GALNT13: variants seen among roughly 807,000 people sequenced by gnomAD.
The protein encoded by GALNT13 is UDP-GalNAc:polypeptide N-acetylgalactosaminyltransferase 13.
A neutral mutation model predicts 64.2 loss-of-function variants in GALNT13; 28 were observed. That is an observed-to-expected ratio of 0.44 (90% CI 0.32 to 0.60). The LOEUF is 0.60. GALNT13 is among the 20% of genes least tolerant of loss of function. GALNT13 has a pLI of 0.05. For synonymous variants in GALNT13, 214 were observed against 224.6 expected, an observed-to-expected ratio of 0.95 and a Z score of 0.42; for missense variants, 577 against 669.8, an observed-to-expected ratio of 0.86 and a Z score of 1.53.
the GALNT13 span, among the ~76,000 whole-genome samples, chr2:153,101,531 A>G: frequency 3.9e-5 from 6 of 152,162 alleles, no homozygotes; most frequent in Non-Finnish European, 8.8e-5. Context: ...ATTTGCCATT[A>G]TCTGAAATGT....
chr2:153,313,672 C>A, the GALNT13 span, among the ~76,000 whole-genome samples: 1 of 152,048 alleles, frequency 6.6e-6, no homozygotes, highest in Non-Finnish European at 1.5e-5. Flanking sequence ...ATATAACAAA[C>A]CTGCACACGT....
At chr2:153,530,904 A>G in the GALNT13 span, among the ~76,000 whole-genome samples, 1 of 152,230 alleles carries the variant, frequency 6.6e-6, no homozygotes, top group Admixed American at 6.5e-5. Context: ...TTGATTAAAG[A>G]CTTAAATCTA....
chr2:153,142,226 C>A, the GALNT13 span, among the ~76,000 whole-genome samples: 1 of 151,972 alleles, frequency 6.6e-6, no homozygotes, highest in Non-Finnish European at 1.5e-5. Context: ...AGAGCAAAAC[C>A]CCTGGAGGGG....
At chr2:154,150,715 A>G (rs374835914) in intron 4 of GALNT13, among the ~76,000 whole-genome samples, 5 of 152,200 alleles carry the variant, frequency 3.3e-5, no homozygotes, top group East Asian at 3.9e-4. Context: ...GTTTATTTGC[A>G]TAGAGGTGTT....
the GALNT13 span, among the ~76,000 whole-genome samples, chr2:153,767,524 G>C: frequency 2.0e-5 from 3 of 152,088 alleles, no homozygotes; most frequent in Non-Finnish European, 4.4e-5. Flanking sequence ...AAAAATCCCT[G>C]TACTGTTTTC....
At chr2:153,242,996 A>C in the GALNT13 span, among the ~76,000 whole-genome samples, 1 of 152,186 alleles carries the variant, frequency 6.6e-6, no homozygotes, top group African/African-American at 2.4e-5. Context: ...GAGAGTTTTC[A>C]GTCTTGGTGT....
the GALNT13 span, among the ~76,000 whole-genome samples, chr2:153,704,601 A>G: frequency 2.0e-5 from 3 of 152,130 alleles, no homozygotes; most frequent in Non-Finnish European, 2.9e-5. Context: ...CAAAGTGGCT[A>G]TTGTTTGAGT....
chr2:154,074,005 G>T (rs747640774), intron 3 of GALNT13, among the ~76,000 whole-genome samples: 162 of 151,822 alleles, frequency 1.1e-3, no homozygotes, highest in Non-Finnish European at 9.4e-4. Context: ...AAAAGTATTT[G>T]ATATTTAAAT....
chr2:153,070,387 T>C, the GALNT13 span, among the ~76,000 whole-genome samples: 10,351 of 152,220 alleles, frequency 0.068, 441 homozygotes, highest in South Asian at 0.094. Context: ...TATGATACTA[T>C]AATGGTGGAC....
chr2:153,987,681 G>A (rs1694889691), intron 3 of GALNT13, among the ~76,000 whole-genome samples: 1 of 151,680 alleles, frequency 6.6e-6, no homozygotes, highest in African/African-American at 2.4e-5. Flanking sequence ...TGACCTCAAA[G>A]ACTTGACCAC....
chr2:153,356,922 C>T, the GALNT13 span, among the ~76,000 whole-genome samples: 8 of 151,286 alleles, frequency 5.3e-5, no homozygotes, highest in South Asian at 2.1e-4. Flanking sequence ...CTCAGCCTCC[C>T]GAGTAGCTGG....
intron 4 of GALNT13, among the ~76,000 whole-genome samples, chr2:154,203,059 T>G (rs1264313034): frequency 6.6e-6 from 1 of 152,124 alleles, no homozygotes; most frequent in Non-Finnish European, 1.5e-5. Context: ...CAGTCTGTAC[T>G]TGTGTTTTCG....
At position 154,407,627 on chromosome 2, in the gene GALNT13, G is replaced by A. The variant is rs570016463; in HGVS notation, c.1297-1357G>A. Among the ~76,000 whole-genome samples the A allele has an allele frequency of 2.9e-4, 44 of 152,050 alleles. No individual in the cohort carries two copies. In the South Asian group the frequency reaches 6.2e-3, roughly 22 times the overall value. On this transcript the variant is annotated intron_variant, in intron 10 of 12. Coordinates refer to ENST00000392825, the MANE Select transcript of GALNT13 (RefSeq NM_052917.4). ...TACCGGGTTTTGCTTCTAGAAGCCC[G>A]TGCCCTTTCCTTGTAATATTCAGTG...
intron 8 of GALNT13, among the ~76,000 whole-genome samples, chr2:154,297,898 T>C (rs1693022122): frequency 1.3e-5 from 2 of 151,796 alleles, no homozygotes; most frequent in African/African-American, 4.8e-5. Context: ...TAGAAAAAAA[T>C]AAGACCTGGC....
At chr2:153,540,987 G>C in the GALNT13 span, among the ~76,000 whole-genome samples, 7 of 152,194 alleles carry the variant, frequency 4.6e-5, no homozygotes, top group African/African-American at 1.7e-4. Flanking sequence ...CTGTTGGAAA[G>C]GCATGATTTT....
the GALNT13 span, among the ~76,000 whole-genome samples, chr2:153,526,832 T>C: frequency 6.6e-6 from 1 of 151,452 alleles, no homozygotes; most frequent in Non-Finnish European, 1.5e-5. Flanking sequence ...TCAGATAAAA[T>C]GAAAAAAGAG....
intron 3 of GALNT13, among the ~76,000 whole-genome samples, chr2:154,020,000 T>C (rs1258106959): frequency 2.0e-5 from 3 of 152,138 alleles, no homozygotes; most frequent in African/African-American, 7.2e-5. Flanking sequence ...TGGTTTCCAT[T>C]TTCATCCATG....
At chr2:153,080,016 TTAAAC>T in the GALNT13 span, among the ~76,000 whole-genome samples, 805 of 152,318 alleles carry the variant, frequency 5.3e-3, 10 homozygotes, top group African/African-American at 0.018. Flanking sequence ...AAAATATCAT[TTAAAC>T]TAAGTTTTCA....
intron 3 of GALNT13, among the ~76,000 whole-genome samples, chr2:154,120,160 C>T (rs1257689916): frequency 6.6e-6 from 1 of 152,104 alleles, no homozygotes; most frequent in Non-Finnish European, 1.5e-5. Flanking sequence ...ATAACCCTGG[C>T]CTGGTAGAGC....
Sources: gnomAD v4.1 joint callset for allele counts (sites outside exome capture counted in the v4.1 genomes callset) on GRCh38, gnomAD v4.1.1 for gene constraint, MANE v1.5 for transcripts, NCBI Gene and HGNC (gene_info 2026-07-23, HGNC 2026-07-21) for gene names.